Variants in AFF1 observed in about 807,000 individuals in gnomAD.
The protein encoded by AFF1 is AF4/FMR2 family member 1.
AFF1 carries 48 observed loss-of-function variants against 121.7 expected under a neutral mutation model. The ratio of observed to expected loss-of-function variants is 0.39; its 90% CI spans 0.31 to 0.50. The LOEUF (loss-of-function observed/expected upper bound fraction) is 0.50. Among genes scored for constraint, AFF1 ranks in the 20% least tolerant of loss-of-function variants. The probability of loss-of-function intolerance (pLI) is 0.76; values close to 1 mark genes in which losing one functional copy is unlikely to be tolerated. For synonymous variants in AFF1, 613 were observed against 563.0 expected, an observed-to-expected ratio of 1.09 and a Z score of -1.26; for missense variants, 1,523 against 1,511.7, an observed-to-expected ratio of 1.01 and a Z score of -0.12.
intron 2 of AFF1, among the ~76,000 whole-genome samples, chr4:87,030,843 C>T (rs2149582312): frequency 6.6e-6 from 1 of 152,192 alleles, no homozygotes; most frequent in South Asian, 2.1e-4. Flanking sequence ...CTCGCATTCC[C>T]AAGATTGAGC....
chr4:87,044,323 G>GT (rs1730456947), intron 2 of AFF1, among the ~76,000 whole-genome samples: 1 of 152,190 alleles, frequency 6.6e-6, no homozygotes, highest in Non-Finnish European at 1.5e-5. Context: ...TGTAGTGGCT[G>GT]TTTTTTAATC....
At chr4:86,950,541 AC>A (rs1228444416) in intron 2 of AFF1, among the ~76,000 whole-genome samples, 2 of 152,228 alleles carry the variant, frequency 1.3e-5, no homozygotes, top group African/African-American at 4.8e-5. Flanking sequence ...AAAAATAAAA[AC>A]ATTATAAGAA....
chr4:86,999,272 T>C (rs1383750774), intron 2 of AFF1, among the ~76,000 whole-genome samples: 1 of 152,234 alleles, frequency 6.6e-6, no homozygotes, highest in East Asian at 1.9e-4. Flanking sequence ...AAGCTCTCTT[T>C]GAATTCTGCC....
At chr4:87,004,929 T>TA (rs1001755872) in intron 2 of AFF1, among the ~76,000 whole-genome samples, 2 of 152,358 alleles carry the variant, frequency 1.3e-5, no homozygotes, top group East Asian at 1.9e-4. Context: ...ATGAGCTTTT[T>TA]AAAAAAACTA....
intron 2 of AFF1, chr4:87,036,725 T>C: frequency 2.1e-6 from 1 of 471,820 alleles, no homozygotes; most frequent in South Asian, 1.6e-5. Context: ...ACAAAATGGG[T>C]TATATTAACT....
chr4:86,976,982 A>G (rs920733897), intron 2 of AFF1, among the ~76,000 whole-genome samples: 3 of 152,238 alleles, frequency 2.0e-5, no homozygotes, highest in Non-Finnish European at 4.4e-5. Context: ...GGCACACAGC[A>G]AGTGCCCAAT....
chr4:87,065,157 G>A (rs1271953045), intron 4 of AFF1, among the ~76,000 whole-genome samples: 2 of 152,198 alleles, frequency 1.3e-5, no homozygotes, highest in African/African-American at 4.8e-5. Flanking sequence ...AAAGGAAAGA[G>A]GTTTAGTGGA....
intron 2 of AFF1, among the ~76,000 whole-genome samples, chr4:86,968,941 A>C (rs986321873): frequency 2.0e-5 from 3 of 152,188 alleles, no homozygotes; most frequent in Admixed American, 2.0e-4. Flanking sequence ...TGGGCCCCAG[A>C]GTCATCTCTA....
At chr4:87,000,225 GTGTC>G (rs1249234963) in intron 2 of AFF1, among the ~76,000 whole-genome samples, 1 of 152,192 alleles carries the variant, frequency 6.6e-6, no homozygotes, top group Non-Finnish European at 1.5e-5. Context: ...CCCTTTTCCT[GTGTC>G]TGCTTCATTC....
At chr4:87,040,137 C>T (rs1186436732) in intron 2 of AFF1, among the ~76,000 whole-genome samples, 1 of 152,154 alleles carries the variant, frequency 6.6e-6, no homozygotes, top group African/African-American at 2.4e-5. Context: ...TCAGGTGATC[C>T]TCCCACCTCG....
intron 4 of AFF1, among the ~76,000 whole-genome samples, chr4:87,070,721 G>A (rs1476559240): frequency 6.6e-6 from 1 of 152,204 alleles, no homozygotes; most frequent in Non-Finnish European, 1.5e-5. Context: ...ATTTTCACCA[G>A]TCTAGGAAAA....
chr4:86,978,180 T>G (rs1396977144), intron 2 of AFF1, among the ~76,000 whole-genome samples: 4 of 94,042 alleles, frequency 4.3e-5, no homozygotes, highest in Non-Finnish European at 8.8e-5. Context: ...ACATTCACTT[T>G]TTTTTTTTTT....
intron 8 of AFF1, 59 bp from the exon 9 acceptor site, chr4:87,105,569 A>G (rs1300567675): frequency 1.3e-6 from 2 of 1,591,892 alleles, no homozygotes; most frequent in East Asian, 4.5e-5. Flanking sequence ...TTTACATGCT[A>G]GAAAAGTTGT....
intron 2 of AFF1, among the ~76,000 whole-genome samples, chr4:86,976,224 T>C (rs1354065062): frequency 6.6e-6 from 1 of 152,128 alleles, no homozygotes; most frequent in Non-Finnish European, 1.5e-5. Context: ...ATTTGGGTTG[T>C]GTTCACAGTA....
intron 1 of AFF1, among the ~76,000 whole-genome samples, chr4:86,941,017 G>A (rs2149441121): frequency 6.6e-6 from 1 of 152,032 alleles, no homozygotes; most frequent in Non-Finnish European, 1.5e-5. Flanking sequence ...GAACCCTGGA[G>A]GTGGAGGTTG....
intron 2 of AFF1, among the ~76,000 whole-genome samples, chr4:87,002,501 G>A (rs1022579743): frequency 2.1e-5 from 3 of 142,980 alleles, no homozygotes; most frequent in East Asian, 2.2e-4. Flanking sequence ...GTGCGATCTC[G>A]GCTCACTGCA....
At position 87,115,184 on chromosome 4, in the gene AFF1, C is replaced by T. The variant is rs1372344601; in HGVS notation, c.2351C>T (p.Pro784Leu). Residue 784 changes from proline (P) to leucine (L), a missense_variant, in exon 12 of 21, where the codon CCC (proline) becomes CTC (leucine). This residue lies in a region of AFF1 where 905 missense variants were observed against 842.5 expected (regional missense o/e 1.07). Coordinates refer to ENST00000395146, the MANE Select transcript of AFF1 (RefSeq NM_001166693.3). ...CTGCTCTCTCGGATACCCCAGCCTCCCGGGAAGGGGAGCCGCCAGAGGAAA... is the reference window on the plus strand; with the variant it reads ...CTGCTCTCTCGGATACCCCAGCCTCTCGGGAAGGGGAGCCGCCAGAGGAAA... ...LDLLSRIPQPPGKGSRQRKAE... is the reference protein window; with the variant it reads ...LDLLSRIPQPLGKGSRQRKAE... 4.3e-6 allele frequency: 7 copies of T among 1,614,188 alleles called. No individual in the cohort carries two copies. Among genetic ancestry groups the T allele is most frequent in the Non-Finnish European group, 5.9e-6 (7 of 1,180,054 alleles).
At chr4:87,069,898 A>G (rs550921179) in intron 4 of AFF1, among the ~76,000 whole-genome samples, 37 of 150,398 alleles carry the variant, frequency 2.5e-4, no homozygotes, top group Non-Finnish European at 4.3e-4. Flanking sequence ...GCTCACTGCA[A>G]CCTTTTCCCC....
intron 5 of AFF1, among the ~76,000 whole-genome samples, chr4:87,087,813 A>G (rs1165098510): frequency 6.6e-6 from 1 of 152,220 alleles, no homozygotes; most frequent in African/African-American, 2.4e-5. Flanking sequence ...TTCCAAATAA[A>G]TTATTGAAAA....
Sources: allele counts gnomAD v4.1 joint callset (sites outside exome capture counted in the v4.1 genomes callset), GRCh38; gene constraint gnomAD v4.1.1; regional missense constraint gnomAD v4.1.1; transcripts MANE v1.5; gene names NCBI Gene and HGNC (gene_info 2026-07-23, HGNC 2026-07-21).